The following TFG variants were observed in gnomAD, a reference collection of about 807,000 sequenced individuals.
The protein encoded by TFG is protein TFG.
TFG carries 22 observed loss-of-function variants against 51.4 expected under a neutral mutation model. The observed-to-expected ratio is 0.43, with a 90% CI of 0.31 to 0.61. The LOEUF is 0.61. Among genes scored for constraint, TFG ranks in the 20% least tolerant of loss-of-function variants. TFG has a pLI of 0.12. For synonymous variants in TFG, 187 were observed against 165.6 expected, an observed-to-expected ratio of 1.13 and a Z score of -0.99; for missense variants, 419 against 487.7, an observed-to-expected ratio of 0.86 and a Z score of 1.33.
chr3:100,716,927 C>G (rs13325014), intron 2 of TFG, among the ~76,000 whole-genome samples: 4,528 of 152,160 alleles, frequency 0.03, 183 homozygotes, highest in African/African-American at 0.092. Flanking sequence ...TGAGTTCCTT[C>G]TATATTCTGA....
intron 3 of TFG, among the ~76,000 whole-genome samples, chr3:100,721,356 T>C (rs2095060279): frequency 6.6e-6 from 1 of 152,118 alleles, no homozygotes; most frequent in Non-Finnish European, 1.5e-5. Flanking sequence ...ATAGTAGAGA[T>C]TTTAGCCTGC....
chr3:100,747,168 A>C (rs2095137018), intron 7 of TFG, among the ~76,000 whole-genome samples: 3 of 152,184 alleles, frequency 2.0e-5, no homozygotes, highest in Non-Finnish European at 4.4e-5. Context: ...CTCTGCTTGG[A>C]GACTAAGAGG....
chr3:100,720,842 G>A (rs984162475), intron 3 of TFG, among the ~76,000 whole-genome samples: 1 of 152,208 alleles, frequency 6.6e-6, no homozygotes, highest in East Asian at 1.9e-4. Flanking sequence ...GGACAAGATA[G>A]AAAAGATTAC....
At chr3:100,713,108 G>A (rs189412388) in intron 1 of TFG, among the ~76,000 whole-genome samples, 61 of 152,320 alleles carry the variant, frequency 4.0e-4, no homozygotes, top group African/African-American at 1.4e-3. Context: ...GTGGGCAAAG[G>A]TAAAAAGCAG....
intron 4 of TFG, among the ~76,000 whole-genome samples, 176 bp from the exon 5 acceptor site, chr3:100,732,332 A>G (rs1034589929): frequency 6.6e-6 from 1 of 152,136 alleles, no homozygotes; most frequent in Non-Finnish European, 1.5e-5. Context: ...CCCTGTTACT[A>G]GAAGGAAAAA....
At position 100,748,482 on chromosome 3, in the gene TFG, G is replaced by A. The variant is rs373719892; in HGVS notation, c.1154G>A (p.Arg385His). 3.7e-5 allele frequency: 60 copies of A among 1,613,810 alleles called. No individual in the cohort carries two copies. Among genetic ancestry groups the A allele is most frequent in the South Asian group, 7.7e-5 (7 of 91,064 alleles). The change falls in exon 8 of 8, where the codon CGT becomes CAT. Residue 385 changes from arginine to histidine, a missense_variant. Physicochemically the swap from Arg to His is conservative, Grantham distance 29. Transcript: ENST00000240851. Reference protein sequence around the residue: ...PSGPNPYARNRPPFGQGYTQP... With the variant: ...PSGPNPYARNHPPFGQGYTQP... ...GGGCCTAATCCTTATGCGCGTAACC[G>A]TCCTCCCTTTGGTCAGGGCTATACC...
At chr3:100,718,977 GAAA>G (rs2095053803) in intron 2 of TFG, among the ~76,000 whole-genome samples, 2 of 151,924 alleles carry the variant, frequency 1.3e-5, no homozygotes, top group Non-Finnish European at 2.9e-5. Context: ...ATTCAGAAAA[GAAA>G]AAAAGAACAG....
chr3:100,722,514 C>T (rs2095063665), intron 3 of TFG, among the ~76,000 whole-genome samples: 1 of 152,154 alleles, frequency 6.6e-6, no homozygotes, highest in Admixed American at 6.5e-5. Flanking sequence ...TATAGACCCT[C>T]AGATTCAGAA....
At chr3:100,710,554 A>G (rs779938080) in intron 1 of TFG, among the ~76,000 whole-genome samples, 8 of 152,208 alleles carry the variant, frequency 5.3e-5, no homozygotes, top group Non-Finnish European at 1.2e-4. Context: ...GGAGGTGCTT[A>G]AGCCACAGCC....
intron 3 of TFG, among the ~76,000 whole-genome samples, chr3:100,721,694 A>G (rs1280276204): frequency 6.6e-6 from 1 of 152,242 alleles, no homozygotes; most frequent in Admixed American, 6.5e-5. Context: ...AATCCAGGTC[A>G]CATAGGTTTC....
intron 2 of TFG, among the ~76,000 whole-genome samples, chr3:100,714,096 C>T (rs1453583787): frequency 6.6e-5 from 10 of 151,872 alleles, no homozygotes. Flanking sequence ...GTTATTTTGC[C>T]CATTTTTATT....
intron 1 of TFG, among the ~76,000 whole-genome samples, chr3:100,711,697 A>C (rs1217200185): frequency 6.6e-6 from 1 of 152,236 alleles, no homozygotes; most frequent in Non-Finnish European, 1.5e-5. Flanking sequence ...GAAGCTAAGC[A>C]CTGGTTCCTT....
At chr3:100,725,772 G>A (rs997260126) in intron 3 of TFG, among the ~76,000 whole-genome samples, 5 of 151,990 alleles carry the variant, frequency 3.3e-5, no homozygotes, top group African/African-American at 1.2e-4. Flanking sequence ...CAGTCTGGGT[G>A]ACAGAGCAAG....
chr3:100,710,113 A>G (rs1033857536), intron 1 of TFG: 3 of 152,354 alleles, frequency 2.0e-5, no homozygotes, highest in Non-Finnish European at 4.4e-5. Flanking sequence ...CCGGCGCCCA[A>G]TACCCGAAGG....
chr3:100,738,085 CA>C (rs10537172), intron 6 of TFG, among the ~76,000 whole-genome samples: 80,042 of 149,126 alleles, frequency 0.54, 21,639 homozygotes, highest in Middle Eastern at 0.64. Context: ...CAAACAAAGC[CA>C]AAAAAAAAAA....
intron 1 of TFG, among the ~76,000 whole-genome samples, chr3:100,712,995 G>A (rs2149056581): frequency 6.6e-6 from 1 of 152,320 alleles, no homozygotes; most frequent in East Asian, 1.9e-4. Flanking sequence ...TGATTTTATA[G>A]GTCTTGCTTT....
At chr3:100,719,917 A>T in intron 2 of TFG, 58 bp from the exon 3 acceptor site, 3 of 1,109,648 alleles carry the variant, frequency 2.7e-6, no homozygotes, top group Admixed American at 5.0e-5. Context: ...TTTACTGCTT[A>T]TACAAATCTG....
At chr3:100,729,662 A>G (rs1429071385) in intron 4 of TFG, among the ~76,000 whole-genome samples, 1 of 152,158 alleles carries the variant, frequency 6.6e-6, no homozygotes, top group Non-Finnish European at 1.5e-5. Flanking sequence ...ATTGTGAAAT[A>G]GTAATTTAAA....
chr3:100,732,790 G>A, intron 5 of TFG, 118 bp downstream of exon 5: 1 of 870,134 alleles, frequency 1.1e-6, no homozygotes, highest in Admixed American at 3.1e-5. Context: ...AAATCTTAAG[G>A]GTTCTGCTTA....
Sources: allele counts gnomAD v4.1 joint callset (sites outside exome capture counted in the v4.1 genomes callset), GRCh38; gene constraint gnomAD v4.1.1; transcripts MANE v1.5; gene names NCBI Gene and HGNC (gene_info 2026-07-23, HGNC 2026-07-21).